PCDH9: variants seen among roughly 807,000 people sequenced by gnomAD.
The protein encoded by PCDH9 is protocadherin-9.
Under a neutral mutation model 70.6 loss-of-function variants are expected in PCDH9, and 24 were observed. That is an observed-to-expected ratio of 0.34 (90% CI 0.25 to 0.48). The LOEUF (loss-of-function observed/expected upper bound fraction) is 0.48, where lower values mean the gene tolerates loss of function less well. Ranked by LOEUF, PCDH9 falls within the 20% of genes least tolerant of loss-of-function variation. PCDH9 has a pLI of 0.99. For missense variants in PCDH9, 1,281 were observed against 1,503.6 expected, an observed-to-expected ratio of 0.85 and a Z score of 2.45; for synonymous variants, 562 against 558.5, an observed-to-expected ratio of 1.01 and a Z score of -0.09.
chr13:66,755,619 G>A (rs2079528057), intron 3 of PCDH9, among the ~76,000 whole-genome samples: 2 of 151,994 alleles, frequency 1.3e-5, no homozygotes, highest in Admixed American at 6.6e-5. Context: ...GGGTGGGGGG[G>A]CATCTAAAAT....
At chr13:67,096,303 C>T (rs1395654120) in intron 2 of PCDH9, among the ~76,000 whole-genome samples, 5 of 152,100 alleles carry the variant, frequency 3.3e-5, no homozygotes, top group Non-Finnish European at 7.4e-5. Context: ...ACCAAAGCCA[C>T]GAACCGTAAA....
intron 2 of PCDH9, chr13:67,205,081 AC>A (rs2089305678): frequency 6.6e-6 from 1 of 152,164 alleles, no homozygotes; most frequent in African/African-American, 2.4e-5. Context: ...TCATATCCTC[AC>A]CACAAATTGA....
intron 4 of PCDH9, among the ~76,000 whole-genome samples, chr13:66,443,956 A>G (rs1958022600): frequency 6.6e-6 from 1 of 152,074 alleles, no homozygotes; most frequent in Non-Finnish European, 1.5e-5. Flanking sequence ...TTCCCTATTT[A>G]AATTTCAATT....
In PCDH9 at chr13:66,645,618, A is replaced by G. The variant is rs558553192; in HGVS notation, c.3139-14207T>C. On this transcript the variant is annotated intron_variant, in intron 3 of 4. Coordinates refer to ENST00000377865, the MANE Select transcript of PCDH9 (RefSeq NM_203487.3). ...GCTAAAATAGAAGGATATAAGATAC[A>G]CTTGTAAATGTGGAGAAAATATTCT... Among the ~76,000 whole-genome samples the G allele has an allele frequency of 2.7e-3, 414 of 152,272 alleles. 1 individual carries two copies. Among genetic ancestry groups the G allele is most frequent in the African/African-American group, 9.6e-3 (400 of 41,572 alleles).
At chr13:67,010,430 C>T (rs1274440432) in intron 2 of PCDH9, among the ~76,000 whole-genome samples, 1 of 151,908 alleles carries the variant, frequency 6.6e-6, no homozygotes, top group African/African-American at 2.4e-5. Context: ...CCTATAAAAG[C>T]CTGTTAGGCA....
At chr13:66,457,329 C>T (rs1392868230) in intron 4 of PCDH9, among the ~76,000 whole-genome samples, 3 of 151,932 alleles carry the variant, frequency 2.0e-5, no homozygotes, top group Admixed American at 1.3e-4. Context: ...TTATTTTTAA[C>T]GCTGCATAAA....
chr13:66,490,362 T>C (rs1959014108), intron 4 of PCDH9, among the ~76,000 whole-genome samples: 1 of 152,190 alleles, frequency 6.6e-6, no homozygotes. Context: ...AACACTGTTA[T>C]ACCGGTCGGC....
chr13:66,790,804 T>C (rs1315047646), intron 3 of PCDH9, among the ~76,000 whole-genome samples: 1 of 152,102 alleles, frequency 6.6e-6, no homozygotes, highest in Non-Finnish European at 1.5e-5. Flanking sequence ...ATTATTAATC[T>C]ATGAAACTTT....
At chr13:66,748,997 C>T (rs116404771) in intron 3 of PCDH9, among the ~76,000 whole-genome samples, 1,738 of 152,174 alleles carry the variant, frequency 0.011, 36 homozygotes, top group African/African-American at 0.039. Context: ...TTATAAGGGG[C>T]TTCCCCCTTC....
intron 2 of PCDH9, among the ~76,000 whole-genome samples, chr13:67,198,537 G>A (rs1566490469): frequency 6.6e-6 from 1 of 151,844 alleles, no homozygotes; most frequent in Non-Finnish European, 1.5e-5. Context: ...TATTAGGATG[G>A]TTGCTAAGTG....
At chr13:66,855,582 G>A (rs1308413830) in intron 3 of PCDH9, among the ~76,000 whole-genome samples, 1 of 151,850 alleles carries the variant, frequency 6.6e-6, no homozygotes, top group Non-Finnish European at 1.5e-5. Flanking sequence ...TACATATATT[G>A]AGCTATTATT....
At chr13:66,405,459 G>A (rs1356440696) in intron 4 of PCDH9, among the ~76,000 whole-genome samples, 1 of 152,094 alleles carries the variant, frequency 6.6e-6, no homozygotes, top group Non-Finnish European at 1.5e-5. Context: ...GTGTATATGG[G>A]CACCGACCAA....
intron 4 of PCDH9, among the ~76,000 whole-genome samples, chr13:66,324,700 G>A (rs945243169): frequency 6.6e-6 from 1 of 151,944 alleles, no homozygotes; most frequent in South Asian, 2.1e-4. Context: ...TAATTGCAAG[G>A]GGAAGTGTAA....
At chr13:66,901,002 A>C (rs1360506466) in intron 3 of PCDH9, among the ~76,000 whole-genome samples, 2 of 151,720 alleles carry the variant, frequency 1.3e-5, no homozygotes, top group Non-Finnish European at 3.0e-5. Context: ...TCTCAAGAAT[A>C]ATTAACACTA....
At chr13:66,617,297 G>A (rs1318889894) in intron 4 of PCDH9, among the ~76,000 whole-genome samples, 3 of 152,224 alleles carry the variant, frequency 2.0e-5, no homozygotes, top group East Asian at 1.9e-4. Context: ...CACATACCCC[G>A]GTATCTGGTA....
At chr13:67,065,706 A>G (rs561818746) in intron 2 of PCDH9, among the ~76,000 whole-genome samples, 27 of 152,328 alleles carry the variant, frequency 1.8e-4, no homozygotes, top group South Asian at 1.2e-3. Flanking sequence ...CAGGAAAATT[A>G]TAAAGCCTTA....
At chr13:66,936,665 T>C (rs2082920893) in intron 2 of PCDH9, among the ~76,000 whole-genome samples, 1 of 152,156 alleles carries the variant, frequency 6.6e-6, no homozygotes, top group South Asian at 2.1e-4. Context: ...AAACAAGTCA[T>C]TGAGAAATGC....
intron 4 of PCDH9, among the ~76,000 whole-genome samples, chr13:66,324,190 T>G (rs1955802330): frequency 6.6e-6 from 1 of 152,028 alleles, no homozygotes; most frequent in African/African-American, 2.4e-5. Flanking sequence ...GGGAAACCCA[T>G]GAGGCTGGAG....
At chr13:66,934,558 G>GAAAAAGAAAAAGAAAAAAAAAAGAA (rs752213385) in intron 2 of PCDH9, among the ~76,000 whole-genome samples, 1 of 134,816 alleles carries the variant, frequency 7.4e-6, no homozygotes, top group South Asian at 2.3e-4. Context: ...AAAAAAAAAA[G>GAAAAAGAAAAAGAAAAAAAAAAGAA]AAAAAGAAAA....
Sources: gnomAD v4.1 joint callset for allele counts (sites outside exome capture counted in the v4.1 genomes callset) on GRCh38, gnomAD v4.1.1 for gene constraint, MANE v1.5 for transcripts, NCBI Gene and HGNC (gene_info 2026-07-23, HGNC 2026-07-21) for gene names.